Variants in GABBR2 observed in about 807,000 individuals in gnomAD.
The protein encoded by GABBR2 is gamma-aminobutyric acid type B receptor subunit 2.
GABBR2 carries 23 observed loss-of-function variants against 105.6 expected under a neutral mutation model. The ratio of observed to expected loss-of-function variants is 0.22; its 90% CI spans 0.16 to 0.31. GABBR2 has a LOEUF of 0.31. Ranked by LOEUF, GABBR2 falls within the 10% of genes least tolerant of loss-of-function variation. GABBR2 has a pLI of 1.00. For missense variants in GABBR2, 734 were observed against 1,245.5 expected (o/e 0.59, Z 6.18); for synonymous variants, 478 against 499.7 (o/e 0.96, Z 0.58).
At chr9:98,338,527 A>C (rs1329277504) in intron 13 of GABBR2, among the ~76,000 whole-genome samples, 1 of 152,234 alleles carries the variant, frequency 6.6e-6, no homozygotes, top group East Asian at 1.9e-4. Context: ...AAAGACACTC[A>C]GCACCATTAG....
chr9:98,338,798 T>C (rs1396042612), intron 13 of GABBR2, among the ~76,000 whole-genome samples: 1 of 152,200 alleles, frequency 6.6e-6, no homozygotes, highest in Admixed American at 6.5e-5. Context: ...CCAAGAGAAC[T>C]AAAAGCATAT....
intron 7 of GABBR2, among the ~76,000 whole-genome samples, chr9:98,412,706 C>T (rs1832611512): frequency 6.6e-6 from 1 of 152,168 alleles, no homozygotes; most frequent in Non-Finnish European, 1.5e-5. Flanking sequence ...AAATATTACG[C>T]CAGTGTTCCC....
At chr9:98,682,564 C>T (rs1029403000) in intron 1 of GABBR2, among the ~76,000 whole-genome samples, 7 of 151,872 alleles carry the variant, frequency 4.6e-5, no homozygotes, top group Admixed American at 2.6e-4. Context: ...TTAGTAGAGA[C>T]ATGGTTTTGC....
intron 3 of GABBR2, among the ~76,000 whole-genome samples, chr9:98,521,808 T>G (rs927496011): frequency 6.6e-6 from 1 of 152,100 alleles, no homozygotes; most frequent in Non-Finnish European, 1.5e-5. Context: ...TCACCCATGC[T>G]GTAAGCGAAT....
intron 2 of GABBR2, among the ~76,000 whole-genome samples, chr9:98,553,173 T>A (rs1828522259): frequency 6.6e-6 from 1 of 151,988 alleles, no homozygotes; most frequent in South Asian, 2.1e-4. Flanking sequence ...TGTGAGCCAC[T>A]GCACTCAGCA....
intron 1 of GABBR2, among the ~76,000 whole-genome samples, chr9:98,591,060 G>C (rs1424336006): frequency 1.3e-5 from 2 of 152,202 alleles, no homozygotes; most frequent in Admixed American, 6.5e-5. Context: ...CAAACAAAAA[G>C]CCATAACACA....
chr9:98,679,941 T>G (rs1277494950), intron 1 of GABBR2, among the ~76,000 whole-genome samples: 1 of 152,226 alleles, frequency 6.6e-6, no homozygotes, highest in African/African-American at 2.4e-5. Context: ...AGCATAAAAA[T>G]ACACAAGTTT....
At chr9:98,482,430 T>C (rs1826945321) in intron 4 of GABBR2, among the ~76,000 whole-genome samples, 1 of 152,194 alleles carries the variant, frequency 6.6e-6, no homozygotes, top group African/African-American at 2.4e-5. Flanking sequence ...ACGTCTGCAA[T>C]GCTATAAAAA....
At chr9:98,531,739 A>C (rs537697969) in intron 3 of GABBR2, among the ~76,000 whole-genome samples, 1 of 152,374 alleles carries the variant, frequency 6.6e-6, no homozygotes, top group East Asian at 1.9e-4. Flanking sequence ...GAGCCTCAGC[A>C]GAAGACTGAA....
At chr9:98,445,879 AT>A (rs771746392) in intron 7 of GABBR2, among the ~76,000 whole-genome samples, 2 of 152,238 alleles carry the variant, frequency 1.3e-5, no homozygotes, top group Non-Finnish European at 2.9e-5. Flanking sequence ...CACCATCAGC[AT>A]CTGCTGCAAT....
At chr9:98,649,725 T>A (rs1830079196) in intron 1 of GABBR2, among the ~76,000 whole-genome samples, 1 of 152,200 alleles carries the variant, frequency 6.6e-6, no homozygotes, top group East Asian at 1.9e-4. Flanking sequence ...AAAATAGGTA[T>A]AATGAATGGT....
At chr9:98,368,895 C>G (rs940454701) in intron 12 of GABBR2, among the ~76,000 whole-genome samples, 1 of 152,198 alleles carries the variant, frequency 6.6e-6, no homozygotes, top group African/African-American at 2.4e-5. Context: ...CCCAAGGATT[C>G]CCGTTCATTA....
chr9:98,545,084 C>G (rs1159696879), intron 2 of GABBR2, among the ~76,000 whole-genome samples: 1 of 152,208 alleles, frequency 6.6e-6, no homozygotes, highest in Non-Finnish European at 1.5e-5. Flanking sequence ...TATTGGCTTT[C>G]TGATGTGATT....
intron 4 of GABBR2, among the ~76,000 whole-genome samples, chr9:98,491,160 T>C (rs916573928): frequency 6.6e-6 from 1 of 152,186 alleles, no homozygotes; most frequent in African/African-American, 2.4e-5. Context: ...GAGCATGTTA[T>C]TCTCAAGGTG....
intron 17 of GABBR2, among the ~76,000 whole-genome samples, chr9:98,296,830 CTTTG>C (rs981822003): frequency 3.9e-5 from 6 of 151,906 alleles, no homozygotes; most frequent in African/African-American, 7.3e-5. Flanking sequence ...TAATTTTTGG[CTTTG>C]TTTGATTTTT....
chr9:98,317,261 G>T (rs1256890054), intron 13 of GABBR2, among the ~76,000 whole-genome samples: 1 of 152,230 alleles, frequency 6.6e-6, no homozygotes, highest in African/African-American at 2.4e-5. Context: ...CCTGACTTCT[G>T]GTCAGGCTGC....
chr9:98,597,710 C>A (rs1376826535), intron 1 of GABBR2, among the ~76,000 whole-genome samples: 1 of 152,074 alleles, frequency 6.6e-6, no homozygotes, highest in East Asian at 1.9e-4. Flanking sequence ...AAGGAAATTT[C>A]CAGCAATGCA....
At chr9:98,347,235 A>G (rs2131416764) in intron 13 of GABBR2, among the ~76,000 whole-genome samples, 1 of 152,318 alleles carries the variant, frequency 6.6e-6, no homozygotes, top group East Asian at 1.9e-4. Context: ...ATCCTTGCCA[A>G]CATTTGTTAC....
At chr9:98,573,245 G>A (rs1191976430) in intron 2 of GABBR2, among the ~76,000 whole-genome samples, 3 of 152,202 alleles carry the variant, frequency 2.0e-5, no homozygotes, top group African/African-American at 4.8e-5. Context: ...ATCTGATATG[G>A]AAGACTGGCA....
Sources: gnomAD v4.1 joint callset for allele counts (sites outside exome capture counted in the v4.1 genomes callset) on GRCh38, gnomAD v4.1.1 for gene constraint, MANE v1.5 for transcripts, NCBI Gene and HGNC (gene_info 2026-07-23, HGNC 2026-07-21) for gene names.